The following PAPPA2 variants were observed in gnomAD, a reference collection of about 807,000 sequenced individuals.
PAPPA2 encodes the protein pappalysin 2.
Under a neutral mutation model 176.4 loss-of-function variants are expected in PAPPA2, and 86 were observed. The ratio of observed to expected loss-of-function variants is 0.49; its 90% confidence interval spans 0.41 to 0.58. PAPPA2 has a LOEUF of 0.58. Ranked by LOEUF, PAPPA2 falls within the 20% of genes least tolerant of loss-of-function variation. The probability of loss-of-function intolerance (pLI) is 0.00; values close to 1 mark genes in which losing one functional copy is unlikely to be tolerated. For synonymous variants in PAPPA2, 809 were observed against 852.2 expected, an observed-to-expected ratio of 0.95 and a Z score of 0.88; for missense variants, 2,073 against 2,256.9, an observed-to-expected ratio of 0.92 and a Z score of 1.65.
chr1:176,609,498 T>C (rs917860830), intron 3 of PAPPA2, among the ~76,000 whole-genome samples: 7 of 151,986 alleles, frequency 4.6e-5, no homozygotes, highest in African/African-American at 1.7e-4. Context: ...GCGAAGTGTA[T>C]CCATAGAAAG....
chr1:176,693,721 A>G (rs1447851744), intron 6 of PAPPA2, among the ~76,000 whole-genome samples: 1 of 152,106 alleles, frequency 6.6e-6, no homozygotes, highest in East Asian at 1.9e-4. Flanking sequence ...AAGTAGTTTC[A>G]TGGTCATCAG....
intron 8 of PAPPA2, among the ~76,000 whole-genome samples, chr1:176,700,795 G>T (rs1660618374): frequency 6.6e-6 from 1 of 152,142 alleles, no homozygotes; most frequent in Non-Finnish European, 1.5e-5. Flanking sequence ...TGATAGAGGG[G>T]AACATTGGGG....
At chr1:176,715,209 A>G (rs1220304266) in intron 12 of PAPPA2, among the ~76,000 whole-genome samples, 1 of 152,188 alleles carries the variant, frequency 6.6e-6, no homozygotes, top group Non-Finnish European at 1.5e-5. Context: ...ACACAAAAAC[A>G]AAAGTTTCCC....
At chr1:176,781,731 T>A (rs928904355) in intron 17 of PAPPA2, among the ~76,000 whole-genome samples, 6 of 152,266 alleles carry the variant, frequency 3.9e-5, no homozygotes, top group African/African-American at 1.4e-4. Flanking sequence ...TAGGAATTAT[T>A]TGGGGGTCCT....
At chr1:176,715,595 G>C (rs1661333894) in intron 12 of PAPPA2, among the ~76,000 whole-genome samples, 1 of 152,168 alleles carries the variant, frequency 6.6e-6, no homozygotes, top group Non-Finnish European at 1.5e-5. Flanking sequence ...TTCAGGCATA[G>C]CTTTCCCTAA....
At chr1:176,801,189 A>C (rs371512148) in intron 21 of PAPPA2, among the ~76,000 whole-genome samples, 4 of 152,020 alleles carry the variant, frequency 2.6e-5, no homozygotes, top group African/African-American at 9.7e-5. Context: ...CTCAGTCACA[A>C]CAGGTTTTGT....
chr1:176,471,567 A>G (rs1558388946), intron 1 of PAPPA2, among the ~76,000 whole-genome samples: 1 of 152,154 alleles, frequency 6.6e-6, no homozygotes, highest in Non-Finnish European at 1.5e-5. Flanking sequence ...GAAGCCCTCC[A>G]TGTATTTTGT....
intron 10 of PAPPA2, among the ~76,000 whole-genome samples, chr1:176,707,034 C>T (rs1335636927): frequency 2.0e-5 from 3 of 152,138 alleles, no homozygotes; most frequent in African/African-American, 4.8e-5. Context: ...TAACTCTAGA[C>T]TCTTGCCACT....
At chr1:176,663,829 G>T (rs575758410) in intron 3 of PAPPA2, among the ~76,000 whole-genome samples, 4 of 152,034 alleles carry the variant, frequency 2.6e-5, no homozygotes, top group African/African-American at 9.6e-5. Flanking sequence ...TTCTCCTGGG[G>T]ACCTCTCCCA....
intron 4 of PAPPA2, among the ~76,000 whole-genome samples, chr1:176,688,505 A>G (rs930325552): frequency 2.6e-5 from 4 of 152,252 alleles, no homozygotes; most frequent in African/African-American, 9.6e-5. Flanking sequence ...TGTTGACATC[A>G]TGATGCACAA....
At chr1:176,667,270 A>G (rs1042680726) in intron 3 of PAPPA2, among the ~76,000 whole-genome samples, 1 of 152,078 alleles carries the variant, frequency 6.6e-6, no homozygotes, top group Non-Finnish European at 1.5e-5. Context: ...AAAAAAAAGA[A>G]TAAGACTGTG....
At chr1:176,670,105 T>C (rs1658902477) in intron 3 of PAPPA2, among the ~76,000 whole-genome samples, 1 of 152,156 alleles carries the variant, frequency 6.6e-6, no homozygotes, top group African/African-American at 2.4e-5. Flanking sequence ...AAAAAACACT[T>C]CAGTGAGAAC....
At chr1:176,588,471 G>A (rs1441136434) in intron 2 of PAPPA2, among the ~76,000 whole-genome samples, 1 of 152,184 alleles carries the variant, frequency 6.6e-6, no homozygotes, top group East Asian at 1.9e-4. Context: ...GTGAGAGAGG[G>A]CATCACTGGA....
intron 1 of PAPPA2, among the ~76,000 whole-genome samples, chr1:176,478,269 TA>T (rs2102474845): frequency 6.6e-6 from 1 of 152,338 alleles, no homozygotes; most frequent in African/African-American, 2.4e-5. Context: ...TATTCTGATA[TA>T]AAAAATTCCT....
At chr1:176,532,552 G>A (rs548666294) in intron 1 of PAPPA2, among the ~76,000 whole-genome samples, 11 of 152,270 alleles carry the variant, frequency 7.2e-5, no homozygotes, top group African/African-American at 1.9e-4. Context: ...TCTGGCCGTG[G>A]GTAACAAATG....
chr1:176,693,274 T>C (rs1660209319), intron 6 of PAPPA2, among the ~76,000 whole-genome samples: 1 of 152,238 alleles, frequency 6.6e-6, no homozygotes, highest in South Asian at 2.1e-4. Flanking sequence ...TCTTATTTAG[T>C]CTTTGCAGTA....
chr1:176,583,508 G>A (rs1284547208), intron 2 of PAPPA2, among the ~76,000 whole-genome samples: 2 of 151,984 alleles, frequency 1.3e-5, no homozygotes, highest in Non-Finnish European at 2.9e-5. Context: ...TAATTTCCAT[G>A]TATTTTTATG....
chr1:176,672,644 T>G (rs1471184888), intron 4 of PAPPA2, among the ~76,000 whole-genome samples: 1 of 151,302 alleles, frequency 6.6e-6, no homozygotes, highest in Non-Finnish European at 1.5e-5. Context: ...ATCCACAGAG[T>G]GAATCAGATT....
In PAPPA2 at chr1:176,719,451, TTGA is replaced by T. The variant is rs778492640; in HGVS notation, c.3798+7474_3798+7476del. On this transcript the variant is annotated intron_variant, in intron 12 of 22. Coordinates refer to ENST00000367662, the MANE Select transcript of PAPPA2 (RefSeq NM_020318.3). ...ACAAAGCAAGCAGTTCTTCTGTGTG[TTGA>T]TGAATTGTCGTGTTTCCTGTGAAGT... 3.8e-4 allele frequency among the ~76,000 whole-genome samples: 58 copies of T among 152,316 alleles called. 1 individual carries two copies. In the Middle Eastern group the frequency reaches 0.01, roughly 27 times the overall value.
Sources: gnomAD v4.1 joint callset for allele counts (sites outside exome capture counted in the v4.1 genomes callset) on GRCh38, gnomAD v4.1.1 for gene constraint, MANE v1.5 for transcripts, NCBI Gene and HGNC (gene_info 2026-07-23, HGNC 2026-07-21) for gene names.